Variants in HOPX observed in about 807,000 individuals in gnomAD.
HOPX encodes the protein homeodomain-only protein.
HOPX carries 5 observed loss-of-function variants against 11.8 expected under a neutral mutation model. The observed-to-expected ratio is 0.43, with a 90% confidence interval of 0.22 to 0.89. The LOEUF is 0.89. Ranked by LOEUF, HOPX falls within the 40% of genes least tolerant of loss-of-function variation. The pLI is 0.28. For missense variants in HOPX, 119 were observed against 120.0 expected (o/e 0.99, Z 0.04); for synonymous variants, 49 against 49.7 (o/e 0.99, Z 0.06).
chr4:56,680,970 G>A, intron 1 of HOPX: 2 of 942,404 alleles, frequency 2.1e-6, no homozygotes, highest in Non-Finnish European at 2.5e-6. Context: ...CAAAATAGAA[G>A]CGAGTAAGAA....
intron 1 of HOPX, among the ~76,000 whole-genome samples, chr4:56,659,845 T>C (rs1041797145): frequency 6.6e-6 from 1 of 152,258 alleles, no homozygotes; most frequent in Non-Finnish European, 1.5e-5. Flanking sequence ...GATGGTAGGT[T>C]GAAGTCATTT....
intron 1 of HOPX, among the ~76,000 whole-genome samples, chr4:56,658,369 G>A (rs1018201772): frequency 6.6e-6 from 1 of 152,120 alleles, no homozygotes; most frequent in African/African-American, 2.4e-5. Flanking sequence ...GAGAGGTCCT[G>A]GTTAACTTTA....
chr4:56,657,688 G>C (rs1202517898), intron 2 of HOPX, 87 bp downstream of exon 2: 5 of 725,310 alleles, frequency 6.9e-6, no homozygotes, highest in Non-Finnish European at 1.0e-5. Context: ...GGTCATACCA[G>C]GTCAGAAACA....
chr4:56,655,396 G>A (rs1046185306), intron 3 of HOPX, among the ~76,000 whole-genome samples: 2 of 152,114 alleles, frequency 1.3e-5, no homozygotes, highest in Admixed American at 6.5e-5. Context: ...CTGAATTTAT[G>A]GCTAGCTGGT....
At chr4:56,656,267 C>G in intron 2 of HOPX, 1 of 1,165,410 alleles carries the variant, frequency 8.6e-7, no homozygotes, top group Non-Finnish European at 1.1e-6. Context: ...CTCCCGCGCC[C>G]CCCGGGACCC....
intron 1 of HOPX, among the ~76,000 whole-genome samples, chr4:56,658,501 A>G (rs2109493833): frequency 6.6e-6 from 1 of 152,344 alleles, no homozygotes; most frequent in Non-Finnish European, 1.5e-5. Context: ...GATTTCTAGA[A>G]ACGAAGGTGG....
intron 3 of HOPX, among the ~76,000 whole-genome samples, chr4:56,655,593 GTGAC>G (rs1341638405): frequency 9.2e-6 from 1 of 108,848 alleles, no homozygotes; most frequent in Non-Finnish European, 1.9e-5. Context: ...GAAAGGACTG[GTGAC>G]CGAGGGGTTT....
Position 56,656,009 on chromosome 4 carries a change from C to A in HOPX, c.46G>T (p.Ala16Ser), listed in dbSNP as rs757640805. The A allele has an allele frequency of 1.9e-6, 3 of 1,592,388 alleles. No individual in the cohort carries two copies. The highest frequency in any genetic ancestry group is 2.7e-5 in the African/African-American group (2 of 72,884). The part of the protein sequence containing the change: ...GCYRRRLEER[A>S]GTMSAETASG... ...GCGGTCTCCGCCGACATGGTCCCTG[C>A]GCGCTGCGGGGCAGGGAGAAGCGGC... The change falls in exon 3 of 4, where the codon GCA (alanine) becomes TCA (serine). Residue 16 changes from alanine (A) to serine (S), a missense_variant. Physicochemically the swap from Ala to Ser is moderately conservative, Grantham distance 99. Transcript: ENST00000420433.
intron 1 of HOPX, chr4:56,662,925 A>T (rs1285395364): frequency 1.3e-5 from 2 of 152,014 alleles, no homozygotes; most frequent in Admixed American, 1.3e-4. Context: ...TTTCTTTCCC[A>T]CTGTGGGATA....
At chr4:56,661,353 A>G (rs1718113296) in intron 1 of HOPX, among the ~76,000 whole-genome samples, 1 of 152,122 alleles carries the variant, frequency 6.6e-6, no homozygotes, top group Non-Finnish European at 1.5e-5. Context: ...GTCTTTTCCT[A>G]CTGGTGGATA....
At chr4:56,667,445 T>C (rs1718499051) in intron 1 of HOPX, among the ~76,000 whole-genome samples, 1 of 152,204 alleles carries the variant, frequency 6.6e-6, no homozygotes, top group Non-Finnish European at 1.5e-5. Context: ...TTTTTTTCTC[T>C]GTTTATATTT....
At chr4:56,653,260 T>C (rs1219572601) in intron 3 of HOPX, among the ~76,000 whole-genome samples, 1 of 152,142 alleles carries the variant, frequency 6.6e-6, no homozygotes, top group Non-Finnish European at 1.5e-5. Flanking sequence ...TCTTGCCATG[T>C]TGCCCAGGCT....
chr4:56,662,477 C>CTTTTTTTTTTTTTTTT (rs1305463097), intron 1 of HOPX: 1 of 108,742 alleles, frequency 9.2e-6, no homozygotes, highest in African/African-American at 4.2e-5. Flanking sequence ...TTCTTTCTTT[C>CTTTTTTTTTTTTTTTT]TTTCTTCTTT....
At chr4:56,655,750 T>TG (rs1463559947) in intron 3 of HOPX, 107 bp downstream of exon 3, 15 of 1,284,154 alleles carry the variant, frequency 1.2e-5, no homozygotes, top group Non-Finnish European at 1.5e-5. Flanking sequence ...TGGGAGATCA[T>TG]GGGGAGGGCA....
chr4:56,650,751 C>A lies in HOPX; in HGVS notation c.199-1954G>T, dbSNP rs541584844. On this transcript the variant is annotated intron_variant, in intron 3 of 3. Coordinates refer to ENST00000420433, the MANE Select transcript of HOPX (RefSeq NM_032495.6). The stretch of plus-strand genomic sequence containing the variant: ...GCACGGCAGACTATCATGGGGGTAG[C>A]CTTCTCTTTGGGGGCTACTTTCTGG... 17 of 1,551,284 alleles carry A rather than the reference C, an allele frequency of 1.1e-5. No homozygotes were observed. The African/African-American group carries it at 1.4e-4, about 12-fold the overall frequency.
At position 56,648,268 on chromosome 4, in the gene HOPX, C is replaced by A. The variant is rs1043601781; in HGVS notation, c.*452G>T. On this transcript the variant is annotated 3_prime_UTR_variant, in exon 4 of 4. Transcript: ENST00000420433. ...ACACCCCTTCTGTATTTTCACTCAACCATCATTGTATTAGATGATACATAA... is the reference window on the plus strand; with the variant it reads ...ACACCCCTTCTGTATTTTCACTCAAACATCATTGTATTAGATGATACATAA... 1 of 153,214 alleles carries A rather than the reference C, an allele frequency of 6.5e-6. No homozygotes were observed. The highest frequency in any genetic ancestry group is 1.5e-5 in the Non-Finnish European group (1 of 68,794). The allele number at this position is 153,214 out of a possible 1,614,324, so 9.5% of individuals were successfully genotyped here.
chr4:56,655,993 G>A lies in HOPX; in HGVS notation c.62C>T (p.Ala21Val). 1 of 1,605,220 alleles carries A rather than the reference G, an allele frequency of 6.2e-7. No individual in the cohort carries two copies. The highest frequency in any genetic ancestry group is 1.1e-5 in the South Asian group (1 of 89,088). The change falls in exon 3 of 4, where the codon GCG becomes GTG. Residue 21 changes from alanine to valine, a missense_variant. Physicochemically the swap from Ala to Val is moderately conservative, Grantham distance 64. Coordinates refer to ENST00000420433, the MANE Select transcript of HOPX (RefSeq NM_032495.6). ...RLEERAGTMS[A>V]ETASGPTEDQ... ...CTCTGTGGGGCCGCTCGCGGTCTCC[G>A]CCGACATGGTCCCTGCGCGCTGCGG...
In HOPX at chr4:56,669,425, G is replaced by A. The variant is rs112629318; in HGVS notation, c.-83-11526C>T. Among the ~76,000 whole-genome samples, 246 of 151,932 alleles carry A rather than the reference G, an allele frequency of 1.6e-3. 1 individual carries two copies. The highest frequency in any genetic ancestry group is 5.5e-3 in the African/African-American group (229 of 41,476). ...ATTAATAATTACACCAGGGGAGGCCGAGGCAGGTGGATCACCTGAGGTCAG... is the reference window on the plus strand; with the variant it reads ...ATTAATAATTACACCAGGGGAGGCCAAGGCAGGTGGATCACCTGAGGTCAG... On this transcript the variant is annotated intron_variant, in intron 1 of 3. Coordinates refer to ENST00000420433, the MANE Select transcript of HOPX (RefSeq NM_032495.6).
upstream of HOPX, chr4:56,681,493 C>A: frequency 2.0e-6 from 2 of 997,172 alleles, no homozygotes; most frequent in Non-Finnish European, 2.4e-6. Flanking sequence ...CAGGCTGGGA[C>A]TTCTGAGAGT....
Sources: gnomAD v4.1 joint callset for allele counts (sites outside exome capture counted in the v4.1 genomes callset) on GRCh38, gnomAD v4.1.1 for gene constraint, MANE v1.5 for transcripts, NCBI Gene and HGNC (gene_info 2026-07-23, HGNC 2026-07-21) for gene names.